Variants in XKR9 observed in about 807,000 individuals in gnomAD.
XKR9 encodes the protein XK related 9.
A neutral mutation model predicts 32.0 loss-of-function variants in XKR9; 32 were observed. The observed-to-expected ratio is 1.00, with a 90% CI of 0.76 to 1.34. The LOEUF (loss-of-function observed/expected upper bound fraction) is 1.34. Among genes scored for constraint, XKR9 ranks in the 40% most tolerant of loss-of-function variants. The pLI is 0.00. For missense variants in XKR9, 546 were observed against 429.7 expected, an observed-to-expected ratio of 1.27 and a Z score of -2.39; for synonymous variants, 168 against 143.4, an observed-to-expected ratio of 1.17 and a Z score of -1.22.
At chr8:70,950,910 G>A in the XKR9 span, among the ~76,000 whole-genome samples, 2 of 152,158 alleles carry the variant, frequency 1.3e-5, no homozygotes, top group Non-Finnish European at 2.9e-5. Flanking sequence ...CTGACCTCGA[G>A]TGATCTGCTC....
intron 1 of XKR9, among the ~76,000 whole-genome samples, chr8:70,671,304 A>G (rs905199209): frequency 6.7e-5 from 10 of 150,024 alleles, no homozygotes; most frequent in Admixed American, 4.0e-4. Flanking sequence ...AGTTCCATCC[A>G]TGTTGCTGAA....
intron 4 of XKR9, among the ~76,000 whole-genome samples, chr8:70,730,602 A>G (rs954896564): frequency 1.3e-5 from 2 of 152,150 alleles, no homozygotes; most frequent in East Asian, 1.9e-4. Context: ...AAGATTTATA[A>G]TCTCCCCAAG....
At chr8:70,813,938 AC>A in the XKR9 span, among the ~76,000 whole-genome samples, 325 of 152,346 alleles carry the variant, frequency 2.1e-3, 4 homozygotes, top group Middle Eastern at 6.8e-3. Context: ...CAATCCCATT[AC>A]TGAGTATATA....
the XKR9 span, among the ~76,000 whole-genome samples, chr8:71,030,114 T>C: frequency 6.6e-6 from 1 of 152,214 alleles, no homozygotes; most frequent in African/African-American, 2.4e-5. Flanking sequence ...ATATTTTATT[T>C]GTTCTGCAGA....
chr8:71,050,792 T>C, the XKR9 span, among the ~76,000 whole-genome samples: 1 of 152,170 alleles, frequency 6.6e-6, no homozygotes, highest in African/African-American at 2.4e-5. Flanking sequence ...GTTGAAATAA[T>C]AATAATCATT....
chr8:70,951,941 C>T, the XKR9 span, among the ~76,000 whole-genome samples: 1 of 152,112 alleles, frequency 6.6e-6, no homozygotes, highest in East Asian at 1.9e-4. Flanking sequence ...TTAGCAACCT[C>T]CTGAAGGAAG....
At chr8:70,774,904 T>C (rs1220959757) in intron 2 of XKR9, among the ~76,000 whole-genome samples, 1 of 152,196 alleles carries the variant, frequency 6.6e-6, no homozygotes, top group Non-Finnish European at 1.5e-5. Flanking sequence ...ATCAAGTTTT[T>C]ACCTTTTAGA....
chr8:70,864,826 C>T, the XKR9 span, among the ~76,000 whole-genome samples: 3 of 152,072 alleles, frequency 2.0e-5, no homozygotes, highest in Non-Finnish European at 4.4e-5. Context: ...ACCGCATTAC[C>T]CAGGGTGGAT....
the XKR9 span, among the ~76,000 whole-genome samples, chr8:70,855,209 C>A: frequency 6.6e-6 from 1 of 151,682 alleles, no homozygotes; most frequent in South Asian, 2.1e-4. Flanking sequence ...GAACCGATGG[C>A]AAAGAAGTTA....
chr8:70,967,443 T>G, the XKR9 span, among the ~76,000 whole-genome samples: 3 of 152,162 alleles, frequency 2.0e-5, no homozygotes, highest in African/African-American at 4.8e-5. Flanking sequence ...TGTTTAAGGT[T>G]GGTATTATTA....
the XKR9 span, among the ~76,000 whole-genome samples, chr8:70,918,151 C>T: frequency 3.3e-5 from 5 of 152,100 alleles, no homozygotes; most frequent in Non-Finnish European, 7.4e-5. Context: ...GGTATTTTTT[C>T]TTGTGGATTT....
chr8:70,770,583 T>A (rs1050310742), intron 2 of XKR9, among the ~76,000 whole-genome samples: 1 of 146,936 alleles, frequency 6.8e-6, no homozygotes, highest in African/African-American at 2.7e-5. Context: ...TGACTGGGGC[T>A]GCTGTCTTCC....
chr8:70,883,126 C>G, the XKR9 span, among the ~76,000 whole-genome samples: 470 of 151,714 alleles, frequency 3.1e-3, 3 homozygotes, highest in African/African-American at 0.011. Flanking sequence ...TCCTCACCCC[C>G]CTTCCCAACC....
At chr8:70,863,455 G>T in the XKR9 span, among the ~76,000 whole-genome samples, 1 of 152,094 alleles carries the variant, frequency 6.6e-6, no homozygotes, top group African/African-American at 2.4e-5. Context: ...CTATATACAG[G>T]TAATTCCCCA....
intron 2 of XKR9, among the ~76,000 whole-genome samples, chr8:70,755,685 C>T (rs985773767): frequency 2.7e-5 from 4 of 146,176 alleles, no homozygotes; most frequent in African/African-American, 1.0e-4. Context: ...CGCATGTTCT[C>T]ACTCATAGAT....
chr8:70,853,394 A>G, the XKR9 span, among the ~76,000 whole-genome samples: 1 of 152,012 alleles, frequency 6.6e-6, no homozygotes, highest in African/African-American at 2.4e-5. Flanking sequence ...GTATGTGTGT[A>G]CCAAAATATC....
Position 70,681,165 on chromosome 8 carries a change from G to A in XKR9, c.107G>A (p.Gly36Glu). 6.2e-7 allele frequency: 1 copy of A among 1,613,564 alleles called. No individual in the cohort carries two copies. Among genetic ancestry groups the A allele is most frequent in the African/African-American group, 1.3e-5 (1 of 75,010 alleles). The change falls in exon 3 of 5, where the codon GGA becomes GAA. Residue 36 changes from glycine (G) to glutamate (E), a missense_variant. Transcript: ENST00000408926. ...IWVSVRFFHE[G>E]QYVFSALALS... ...GTATCTGTCAGATTTTTCCATGAAG[G>A]ACAGTATGTTTTTAGTGCTTTAGCG...
the XKR9 span, among the ~76,000 whole-genome samples, chr8:70,902,882 G>A: frequency 6.6e-6 from 1 of 151,976 alleles, no homozygotes; most frequent in Non-Finnish European, 1.5e-5. Context: ...ATCTATTTCT[G>A]CATCTATTGA....
Position 70,734,310 on chromosome 8 carries a change from T to C in XKR9, c.1008T>C (p.Leu336=). 1.2e-6 allele frequency: 2 copies of C among 1,612,566 alleles called. No individual in the cohort carries two copies. Among genetic ancestry groups the C allele is most frequent in the Non-Finnish European group, 1.7e-6 (2 of 1,179,394 alleles). The change falls in exon 5 of 5, where the codon CTT becomes CTC. Residue 336 remains leucine (L), a synonymous_variant. Coordinates refer to ENST00000408926, the MANE Select transcript of XKR9 (RefSeq NM_001011720.2). ...VLTLLLGILF[L]IVYYGSFHPN... ...CTCTTCTTCTTGGAATTCTTTTTCTTATTGTTTATTATGGGAGTTTTCACC... is the reference window on the plus strand; with the variant it reads ...CTCTTCTTCTTGGAATTCTTTTTCTCATTGTTTATTATGGGAGTTTTCACC...
Sources: gnomAD v4.1 joint callset for allele counts (sites outside exome capture counted in the v4.1 genomes callset) on GRCh38, gnomAD v4.1.1 for gene constraint, MANE v1.5 for transcripts, NCBI Gene and HGNC (gene_info 2026-07-23, HGNC 2026-07-21) for gene names.